The following RGS7 variants were observed in gnomAD, a reference collection of about 807,000 sequenced individuals.
The protein encoded by RGS7 is regulator of G protein signaling 7, also known as regulator of G-protein signaling 7.
Under a neutral mutation model 81.1 loss-of-function variants are expected in RGS7, and 27 were observed. The observed-to-expected ratio is 0.33, with a 90% confidence interval of 0.25 to 0.46. The LOEUF is 0.46. Ranked by LOEUF, RGS7 falls within the 20% of genes least tolerant of loss-of-function variation. The pLI, the probability that RGS7 is intolerant of heterozygous loss-of-function variation, is 1.00. For missense variants in RGS7, 396 were observed against 607.4 expected, an observed-to-expected ratio of 0.65 and a Z score of 3.66; for synonymous variants, 208 against 207.7, an observed-to-expected ratio of 1.00 and a Z score of -0.01.
intron 2 of RGS7, among the ~76,000 whole-genome samples, chr1:241,182,934 A>C (rs1235584812): frequency 1.4e-5 from 2 of 147,382 alleles, no homozygotes; most frequent in African/African-American, 2.4e-5. Context: ...TCAGCCTCCC[A>C]AACGTTTTTC....
rs2075780481 is a variant in RGS7, at chr1:241,233,676, G to T, written c.78+122023C>A. ...AGATTGACTCCACATTTTGGCTATTGTGAGCACTGCTGCAAAGTACATGTG... is the reference window on the plus strand; with the variant it reads ...AGATTGACTCCACATTTTGGCTATTTTGAGCACTGCTGCAAAGTACATGTG... On this transcript the variant is annotated intron_variant, in intron 2 of 18. Coordinates refer to ENST00000440928, the MANE Select transcript of RGS7 (RefSeq NM_001364886.1). Among the ~76,000 whole-genome samples the T allele has an allele frequency of 1.3e-5, 2 of 152,076 alleles. 1 individual carries two copies. Among genetic ancestry groups the T allele is most frequent in the South Asian group, 4.1e-4 (2 of 4,828 alleles).
At chr1:241,145,935 T>C (rs916683890) in intron 2 of RGS7, among the ~76,000 whole-genome samples, 5 of 152,188 alleles carry the variant, frequency 3.3e-5, no homozygotes, top group African/African-American at 1.2e-4. Context: ...AGATACAAGA[T>C]AAGATACTTC....
intron 3 of RGS7, among the ~76,000 whole-genome samples, chr1:241,020,341 AT>A (rs1450389958): frequency 6.6e-6 from 1 of 152,280 alleles, no homozygotes; most frequent in Admixed American, 6.5e-5. Flanking sequence ...CAAAATCAAG[AT>A]GTTGACAGGG....
chr1:240,919,860 G>A, intron 6 of RGS7: 2 of 839,042 alleles, frequency 2.4e-6, no homozygotes, highest in Non-Finnish European at 4.1e-6. Context: ...TGGGGATGTG[G>A]CCATGAATGG....
intron 4 of RGS7, among the ~76,000 whole-genome samples, chr1:240,977,712 T>C (rs539181899): frequency 6.6e-6 from 1 of 152,266 alleles, no homozygotes; most frequent in African/African-American, 2.4e-5. Context: ...AAACCCTCAA[T>C]GCCGGAGTGG....
chr1:241,068,845 C>T (rs181468156), intron 3 of RGS7, among the ~76,000 whole-genome samples: 1 of 152,160 alleles, frequency 6.6e-6, no homozygotes, highest in African/African-American at 2.4e-5. Context: ...GGGAGGTGAC[C>T]GGATCATGAG....
chr1:241,115,384 A>G (rs1471604646), intron 2 of RGS7, among the ~76,000 whole-genome samples: 1 of 152,206 alleles, frequency 6.6e-6, no homozygotes, highest in Non-Finnish European at 1.5e-5. Context: ...ATACCCAGCA[A>G]TATTATACTG....
chr1:241,163,727 C>T lies in RGS7; in HGVS notation c.79-64965G>A, dbSNP rs901326068. Among the ~76,000 whole-genome samples the T allele has an allele frequency of 1.3e-5, 2 of 151,802 alleles. No homozygotes were observed. Among genetic ancestry groups the T allele is most frequent in the African/African-American group, 4.9e-5 (2 of 41,100 alleles). On this transcript the variant is annotated intron_variant, in intron 2 of 18. Transcript: ENST00000440928. This position sits in a 1 kb window ranked among gnomAD's most constrained non-coding sequence, Gnocchi z 4.6. ...TCAAGATGGTACATAAGCTTCTGAA[C>T]CCCACTGGGGAGTTGGGATAATCAC...
chr1:241,259,685 T>TATATATATATATAA (rs1302382859), intron 2 of RGS7, among the ~76,000 whole-genome samples: 1 of 100,792 alleles, frequency 9.9e-6, no homozygotes, highest in African/African-American at 3.6e-5. Flanking sequence ...TATATATATA[T>TATATATATATATAA]AATTAAAATA....
chr1:240,886,719 A>T (rs989950421), intron 6 of RGS7, among the ~76,000 whole-genome samples: 2 of 152,244 alleles, frequency 1.3e-5, no homozygotes, highest in African/African-American at 4.8e-5. Flanking sequence ...TACTCAGGAC[A>T]TTAGAGTCAG....
Position 240,782,737 on chromosome 1 carries a change from T to C in RGS7, c.*7-6524A>G, listed in dbSNP as rs574459153. On this transcript the variant is annotated intron_variant, in intron 18 of 18. Coordinates refer to ENST00000440928, the MANE Select transcript of RGS7 (RefSeq NM_001364886.1). ...GTGCCCGACCAAATATGAGACATTTTTATAGCTAAGTTTTAAAGTCTTAAT... is the reference window on the plus strand; with the variant it reads ...GTGCCCGACCAAATATGAGACATTTCTATAGCTAAGTTTTAAAGTCTTAAT... Among the ~76,000 whole-genome samples, 3 of 152,328 alleles carry C rather than the reference T, an allele frequency of 2.0e-5. No homozygotes were observed. The South Asian group carries it at 6.2e-4, about 32-fold the overall frequency.
chr1:241,116,158 G>T (rs1382120307), intron 2 of RGS7, among the ~76,000 whole-genome samples: 1 of 152,056 alleles, frequency 6.6e-6, no homozygotes, highest in Non-Finnish European at 1.5e-5. Context: ...GTTCTTTATA[G>T]CAGTATGAGA....
chr1:241,179,172 A>G (rs944792788), intron 2 of RGS7, among the ~76,000 whole-genome samples: 1 of 152,100 alleles, frequency 6.6e-6, no homozygotes, highest in Admixed American at 6.5e-5. Flanking sequence ...TCGACTACCT[A>G]CAACCTCCAC....
At chr1:241,105,264 G>A (rs2065026058) in intron 2 of RGS7, among the ~76,000 whole-genome samples, 1 of 152,122 alleles carries the variant, frequency 6.6e-6, no homozygotes, top group African/African-American at 2.4e-5. Flanking sequence ...CTGTTGATGA[G>A]GCTGTCTTCT....
At chr1:240,803,525 T>C (rs554746221) in intron 15 of RGS7, among the ~76,000 whole-genome samples, 16 of 152,150 alleles carry the variant, frequency 1.1e-4, no homozygotes, top group Non-Finnish European at 1.8e-4. Context: ...AAAATAAATT[T>C]TGTGATATTT....
chr1:240,929,152 A>G (rs1674980568), intron 6 of RGS7, among the ~76,000 whole-genome samples: 1 of 152,202 alleles, frequency 6.6e-6, no homozygotes. Flanking sequence ...GTATGTGGTT[A>G]TGACAGTATT....
intron 18 of RGS7, among the ~76,000 whole-genome samples, chr1:240,783,001 ATATC>A (rs1372076791): frequency 2.0e-5 from 3 of 152,224 alleles, no homozygotes; most frequent in Non-Finnish European, 1.5e-5. Context: ...AGATTTTGTA[ATATC>A]TGGTTAATGG....
chr1:241,104,068 T>C (rs2064948051), intron 2 of RGS7, among the ~76,000 whole-genome samples: 1 of 152,176 alleles, frequency 6.6e-6, no homozygotes, highest in African/African-American at 2.4e-5. Flanking sequence ...CACTCAAAGA[T>C]TCGGTTATCT....
chr1:241,347,873 TC>T (rs1489232508), intron 2 of RGS7, among the ~76,000 whole-genome samples: 1 of 152,214 alleles, frequency 6.6e-6, no homozygotes, highest in Admixed American at 6.5e-5. Context: ...TCTATGGTCT[TC>T]CTTTAAAAGT....
Sources: allele counts gnomAD v4.1 joint callset (sites outside exome capture counted in the v4.1 genomes callset), GRCh38; gene constraint gnomAD v4.1.1; non-coding constraint Gnocchi (gnomAD v3.1); transcripts MANE v1.5; gene names NCBI Gene and HGNC (gene_info 2026-07-23, HGNC 2026-07-21).